The following NLRP8 variants were observed in gnomAD, a reference collection of about 807,000 sequenced individuals.
The protein encoded by NLRP8 is NLR family pyrin domain containing 8, also known as NACHT, LRR and PYD domains-containing protein 8.
Under a neutral mutation model 88.7 loss-of-function variants are expected in NLRP8, and 86 were observed. The ratio of observed to expected loss-of-function variants is 0.97; its 90% CI spans 0.81 to 1.16. The LOEUF is 1.16. Among genes scored for constraint, NLRP8 ranks in the 50% most tolerant of loss-of-function variants. The probability of loss-of-function intolerance (pLI) is 0.00; values close to 1 mark genes in which losing one functional copy is unlikely to be tolerated. For synonymous variants in NLRP8, 504 were observed against 494.6 expected (o/e 1.02, Z -0.25); for missense variants, 1,342 against 1,286.5 (o/e 1.04, Z -0.66).
chr19:55,987,925 A>T lies in NLRP8; in HGVS notation c.*12A>T. The T allele has an allele frequency of 6.3e-7, 1 of 1,590,378 alleles. No homozygotes were observed. The highest frequency in any genetic ancestry group is 8.6e-7 in the Non-Finnish European group (1 of 1,158,432). On this transcript the variant is annotated 3_prime_UTR_variant, in exon 10 of 10. Coordinates refer to ENST00000291971, the MANE Select transcript of NLRP8 (RefSeq NM_176811.2). The stretch of plus-strand genomic sequence containing the variant: ...AGATTAATCCTTAGGCCGTCCAGTC[A>T]TCTTTCTCTGGGGCTTGATTGATCA...
chr19:55,977,337 A>G (rs1311093307), intron 8 of NLRP8, among the ~76,000 whole-genome samples: 2 of 145,556 alleles, frequency 1.4e-5, no homozygotes, highest in African/African-American at 2.5e-5. Flanking sequence ...TATATATTAT[A>G]CATATAAGCA....
chr19:55,973,412 C>G (rs1294311686), intron 6 of NLRP8, among the ~76,000 whole-genome samples: 1 of 152,152 alleles, frequency 6.6e-6, no homozygotes, highest in Non-Finnish European at 1.5e-5. Context: ...CTGATTATTT[C>G]TTTTGCTGTG....
chr19:55,954,739 G>A lies in NLRP8; in HGVS notation c.681G>A (p.Trp227Ter). The change falls in exon 3 of 10, where the codon TGG (tryptophan) becomes TGA (stop). Residue 227 changes from tryptophan (W) to a stop codon, truncating the protein, a stop_gained. Coordinates refer to ENST00000291971, the MANE Select transcript of NLRP8 (RefSeq NM_176811.2). LOFTEE classifies it high-confidence loss of function. ...TGGCCAAAAAGGTGATGTTTGAGTG[G>A]GCCAGAAACAAGTTCTACGCCCACA... The A allele has an allele frequency of 6.2e-7, 1 of 1,614,134 alleles. No individual in the cohort carries two copies.
Position 55,955,952 on chromosome 19 carries a change from G to A in NLRP8, c.1894G>A (p.Val632Ile). The A allele has an allele frequency of 6.2e-7, 1 of 1,614,162 alleles. No homozygotes were observed. Residue 632 changes from valine to isoleucine, a missense_variant, in exon 3 of 10, where the codon GTT (valine) becomes ATT (isoleucine). Coordinates refer to ENST00000291971, the MANE Select transcript of NLRP8 (RefSeq NM_176811.2). ...CCAAGCCCTAAATGATTATCATAAA[G>A]TTGTCTTGAGAATTGGCAACAACAA...
rs1214358840 is a variant in NLRP8 at position 55,950,320 on chromosome 19, A to G, written c.367+2051A>G. ...TGTAATCCCAGCTATTCGGGAGGCTAAGGCAAGAGAATTGCTTGAACCCAG... is the reference window on the plus strand; with the variant it reads ...TGTAATCCCAGCTATTCGGGAGGCTGAGGCAAGAGAATTGCTTGAACCCAG... On this transcript the variant is annotated intron_variant, in intron 1 of 9. Transcript: ENST00000291971. Among the ~76,000 whole-genome samples, 5 of 151,622 alleles carry G rather than the reference A, an allele frequency of 3.3e-5. No individual in the cohort carries two copies. The East Asian group carries it at 9.7e-4, about 29-fold the overall frequency.
chr19:55,973,463 C>A (rs1157950729), intron 6 of NLRP8, among the ~76,000 whole-genome samples, 189 bp from the exon 7 acceptor site: 2 of 152,182 alleles, frequency 1.3e-5, no homozygotes, highest in Non-Finnish European at 2.9e-5. Context: ...ATCCACAATG[C>A]CTTCATCCCA....
intron 6 of NLRP8, among the ~76,000 whole-genome samples, chr19:55,971,384 T>G (rs1367597808): frequency 2.9e-5 from 4 of 136,824 alleles, no homozygotes; most frequent in Non-Finnish European, 4.5e-5. Flanking sequence ...GAGGTTGCAG[T>G]GAGCCGAGAT....
chr19:55,952,318 C>T (rs577287321), intron 1 of NLRP8, among the ~76,000 whole-genome samples: 1 of 152,262 alleles, frequency 6.6e-6, no homozygotes, highest in East Asian at 1.9e-4. Context: ...GAACACCTTA[C>T]TCAATGCATT....
chr19:55,948,842 G>T (rs1268167705), intron 1 of NLRP8, among the ~76,000 whole-genome samples: 1 of 152,196 alleles, frequency 6.6e-6, no homozygotes, highest in Non-Finnish European at 1.5e-5. Flanking sequence ...AAAAGCATAT[G>T]CTATGGAAAC....
intron 3 of NLRP8, among the ~76,000 whole-genome samples, chr19:55,958,798 G>A (rs575451836): frequency 3.3e-5 from 5 of 152,178 alleles, no homozygotes; most frequent in African/African-American, 9.6e-5. Flanking sequence ...AAATGCTCTC[G>A]CCTCTGCCTG....
rs751676370 is a variant in NLRP8 at position 55,966,197 on chromosome 19, G to A, written c.2214-16G>A. ...GGACGGGACCCTATTCCAAGGAGAC[G>A]CTCTTCCCTCTCCAGCCTAAGGCGT... On this transcript the variant is annotated splice_polypyrimidine_tract_variant and intron_variant, in intron 4 of 9. Transcript: ENST00000291971. 64 of 1,612,438 alleles carry A rather than the reference G, an allele frequency of 4.0e-5. No homozygotes were observed. The highest frequency in any genetic ancestry group is 2.5e-4 in the South Asian group (23 of 90,920).
chr19:55,953,792 C>CTT (rs35767678), intron 2 of NLRP8, among the ~76,000 whole-genome samples: 877 of 55,242 alleles, frequency 0.016, 157 homozygotes, highest in East Asian at 0.076. Context: ...TGTGCCTGGC[C>CTT]TTTTTTTTTT....
chr19:55,986,765 C>T (rs528889346), intron 9 of NLRP8, among the ~76,000 whole-genome samples: 7 of 151,580 alleles, frequency 4.6e-5, no homozygotes, highest in African/African-American at 1.5e-4. Context: ...TTCTTTTTTC[C>T]GTGATTGCCA....
intron 8 of NLRP8, among the ~76,000 whole-genome samples, chr19:55,978,800 C>T (rs950136537): frequency 6.6e-6 from 1 of 152,094 alleles, no homozygotes; most frequent in African/African-American, 2.4e-5. Context: ...CATGTGCCTA[C>T]AGTCCCAGCT....
chr19:55,961,379 A>G (rs562618728), intron 3 of NLRP8, among the ~76,000 whole-genome samples: 1 of 152,334 alleles, frequency 6.6e-6, no homozygotes, highest in East Asian at 1.9e-4. Flanking sequence ...TGTGTCAAAA[A>G]GATTAATTTT....
intron 3 of NLRP8, among the ~76,000 whole-genome samples, chr19:55,961,245 T>C (rs1385566774): frequency 2.6e-5 from 4 of 152,014 alleles, no homozygotes; most frequent in Non-Finnish European, 5.9e-5. Flanking sequence ...AATCTTCACA[T>C]GTGTATCTTG....
At chr19:55,949,132 A>C (rs1258824333) in intron 1 of NLRP8, among the ~76,000 whole-genome samples, 1 of 152,208 alleles carries the variant, frequency 6.6e-6, no homozygotes, top group East Asian at 1.9e-4. Context: ...CCACATTTAC[A>C]TACCGTTTAT....
Position 55,955,750 on chromosome 19 carries a change from C to T in NLRP8, c.1692C>T (p.Asn564=), listed in dbSNP as rs200709261. The stretch of plus-strand genomic sequence containing the variant: ...GACTTTTCTTATTCGGTTTTCTGAA[C>T]GAGGCCTGCGCTTCGGCCGTGGAAC... The change falls in exon 3 of 10, where the codon AAC becomes AAT. Residue 564 remains asparagine (N), a synonymous_variant. Coordinates refer to ENST00000291971, the MANE Select transcript of NLRP8 (RefSeq NM_176811.2). 16 of 1,613,994 alleles carry T rather than the reference C, an allele frequency of 9.9e-6. No homozygotes were observed. Among genetic ancestry groups the T allele is most frequent in the African/African-American group, 2.7e-5 (2 of 74,914 alleles).
intron 9 of NLRP8, among the ~76,000 whole-genome samples, chr19:55,980,118 C>A (rs1262285056): frequency 6.6e-6 from 1 of 152,178 alleles, no homozygotes; most frequent in Non-Finnish European, 1.5e-5. Flanking sequence ...CTCTTTTCTT[C>A]ATTTCTTCAC....
Sources: allele counts gnomAD v4.1 joint callset (sites outside exome capture counted in the v4.1 genomes callset), GRCh38; gene constraint gnomAD v4.1.1; transcripts MANE v1.5; gene names NCBI Gene and HGNC (gene_info 2026-07-23, HGNC 2026-07-21).